The following CDH12 variants were observed in gnomAD, a reference collection of about 807,000 sequenced individuals.
The protein encoded by CDH12 is cadherin-12.
A neutral mutation model predicts 74.1 loss-of-function variants in CDH12; 41 were observed. That is an observed-to-expected ratio of 0.55 (90% CI 0.43 to 0.72). The LOEUF is 0.72. Among genes scored for constraint, CDH12 ranks in the 30% least tolerant of loss-of-function variants. The probability of loss-of-function intolerance (pLI) is 0.00; values close to 1 mark genes in which losing one functional copy is unlikely to be tolerated. For synonymous variants in CDH12, 399 were observed against 355.0 expected (o/e 1.12, Z -1.39); for missense variants, 945 against 977.2 (o/e 0.97, Z 0.44).
rs575454340 is a variant in CDH12, at chr5:21,756,371, G to T, written c.1634-529C>A. Among the ~76,000 whole-genome samples, 11 of 151,814 alleles carry T rather than the reference G, an allele frequency of 7.2e-5. No individual in the cohort carries two copies. The South Asian group carries it at 2.3e-3, about 32-fold the overall frequency. ...ATACTTTCACCTCTGCATATCAGCT[G>T]GAATAAGAAACATGGAAAGGAAAAT... On this transcript the variant is annotated intron_variant, in intron 13 of 14. Transcript: ENST00000382254.
rs200926347 is a variant in CDH12, at chr5:22,714,886, T to C, written c.-523+138172A>G. On this transcript the variant is annotated intron_variant, in intron 1 of 14. Coordinates refer to ENST00000382254, the MANE Select transcript of CDH12 (RefSeq NM_004061.5). ...TATTTTTTGAATGCTTGAACAGATG[T>C]AAAACTCCTTTTTTGATGGAACACT... is the stretch of plus-strand genomic sequence containing the variant. Among the ~76,000 whole-genome samples, 117 of 152,312 alleles carry C rather than the reference T, an allele frequency of 7.7e-4. 1 individual carries two copies. In the East Asian group the frequency reaches 8.7e-3, roughly 11 times the overall value.
intron 2 of CDH12, among the ~76,000 whole-genome samples, chr5:22,419,186 G>A (rs756801870): frequency 3.9e-5 from 6 of 152,144 alleles, no homozygotes; most frequent in Non-Finnish European, 7.4e-5. Flanking sequence ...TGGGCAGGAC[G>A]TGCAAGTTTG....
At chr5:21,963,639 G>A (rs1756458524) in intron 6 of CDH12, among the ~76,000 whole-genome samples, 1 of 151,966 alleles carries the variant, frequency 6.6e-6, no homozygotes, top group Non-Finnish European at 1.5e-5. Context: ...TTCTATTACG[G>A]CCAAAGACTA....
chr5:22,840,091 T>C (rs1737015859), intron 1 of CDH12, among the ~76,000 whole-genome samples: 1 of 152,166 alleles, frequency 6.6e-6, no homozygotes. Flanking sequence ...ATATATAAGA[T>C]GACTTTTTAA....
At chr5:22,055,541 T>C (rs912161665) in intron 5 of CDH12, among the ~76,000 whole-genome samples, 1 of 152,304 alleles carries the variant, frequency 6.6e-6, no homozygotes, top group Non-Finnish European at 1.5e-5. Context: ...CTAGGAAGCT[T>C]ACTGTATTGA....
intron 1 of CDH12, among the ~76,000 whole-genome samples, chr5:22,756,825 T>A (rs1015432277): frequency 1.3e-5 from 2 of 152,030 alleles, no homozygotes; most frequent in Non-Finnish European, 2.9e-5. Flanking sequence ...CCAGGCGTGG[T>A]GGCAGATGCC....
chr5:21,776,337 T>C (rs906393851), intron 11 of CDH12, among the ~76,000 whole-genome samples: 2 of 152,096 alleles, frequency 1.3e-5, no homozygotes, highest in Non-Finnish European at 2.9e-5. Context: ...GATTCCTAAC[T>C]CTCCTAACTG....
chr5:21,908,030 G>T (rs1296493267), intron 6 of CDH12, among the ~76,000 whole-genome samples: 1 of 152,256 alleles, frequency 6.6e-6, no homozygotes, highest in Admixed American at 6.5e-5. Flanking sequence ...TTGAGAAAAT[G>T]GACAATTTCT....
At chr5:22,622,939 A>G (rs1561534736) in intron 1 of CDH12, among the ~76,000 whole-genome samples, 2 of 152,302 alleles carry the variant, frequency 1.3e-5, no homozygotes, top group Admixed American at 6.5e-5. Context: ...CTGGCAAACC[A>G]AATCCAGCAG....
chr5:22,490,025 T>C (rs917348199), intron 2 of CDH12, among the ~76,000 whole-genome samples: 1 of 152,166 alleles, frequency 6.6e-6, no homozygotes, highest in Non-Finnish European at 1.5e-5. Context: ...TGCTCTTTAA[T>C]AGTGTTTGAG....
At chr5:22,548,341 C>T (rs754105464) in intron 1 of CDH12, among the ~76,000 whole-genome samples, 3 of 152,196 alleles carry the variant, frequency 2.0e-5, no homozygotes, top group South Asian at 2.1e-4. Context: ...AATTTTAACA[C>T]GTTTCCAATG....
intron 3 of CDH12, among the ~76,000 whole-genome samples, chr5:22,313,553 G>T (rs1176424201): frequency 6.6e-6 from 1 of 152,062 alleles, no homozygotes; most frequent in African/African-American, 2.4e-5. Flanking sequence ...GTAAACCAGG[G>T]TTATTGATCA....
chr5:22,387,150 T>A (rs1010293107), intron 3 of CDH12, among the ~76,000 whole-genome samples: 1 of 152,036 alleles, frequency 6.6e-6, no homozygotes, highest in Admixed American at 6.6e-5. Flanking sequence ...GGATGCTTTT[T>A]CTTGCCAAAA....
intron 5 of CDH12, among the ~76,000 whole-genome samples, chr5:22,011,543 T>C (rs1056761850): frequency 6.6e-6 from 1 of 152,184 alleles, no homozygotes; most frequent in Non-Finnish European, 1.5e-5. Context: ...TGTTTTTTTC[T>C]ATTTGTGGAT....
At chr5:21,927,106 C>T (rs1277539552) in intron 6 of CDH12, among the ~76,000 whole-genome samples, 3 of 152,050 alleles carry the variant, frequency 2.0e-5, no homozygotes, top group Non-Finnish European at 4.4e-5. Context: ...AGTACACTGT[C>T]GTAATGGCAG....
intron 5 of CDH12, among the ~76,000 whole-genome samples, chr5:21,995,058 C>T (rs1580083877): frequency 2.0e-5 from 3 of 152,156 alleles, no homozygotes; most frequent in South Asian, 2.1e-4. Context: ...CCGCTTCACA[C>T]CTGAAGTTAG....
At chr5:22,027,376 T>G (rs987918562) in intron 5 of CDH12, among the ~76,000 whole-genome samples, 1 of 152,200 alleles carries the variant, frequency 6.6e-6, no homozygotes, top group Admixed American at 6.5e-5. Context: ...TTGGAATAGT[T>G]TCAGAAGGAA....
chr5:22,252,097 T>C (rs753810949), intron 3 of CDH12, among the ~76,000 whole-genome samples: 1 of 152,098 alleles, frequency 6.6e-6, no homozygotes, highest in Non-Finnish European at 1.5e-5. Context: ...AATAAGTTTA[T>C]GCATAAACAA....
chr5:22,544,367 G>C (rs1238263127), intron 1 of CDH12, among the ~76,000 whole-genome samples: 1 of 152,102 alleles, frequency 6.6e-6, no homozygotes, highest in African/African-American at 2.4e-5. Flanking sequence ...ACTTCATAGA[G>C]TTAGCAATTA....
Sources: gnomAD v4.1 joint callset for allele counts (sites outside exome capture counted in the v4.1 genomes callset) on GRCh38, gnomAD v4.1.1 for gene constraint, MANE v1.5 for transcripts, NCBI Gene and HGNC (gene_info 2026-07-23, HGNC 2026-07-21) for gene names.